SNX29: variants seen among roughly 807,000 people sequenced by gnomAD.
SNX29 encodes sorting nexin-29.
SNX29 carries 78 observed loss-of-function variants against 102.1 expected under a neutral mutation model. The ratio of observed to expected loss-of-function variants is 0.76; its 90% CI spans 0.64 to 0.92. The LOEUF (loss-of-function observed/expected upper bound fraction) is 0.92, where lower values mean the gene tolerates loss of function less well. SNX29 is among the 40% of genes least tolerant of loss of function. SNX29 has a pLI of 0.00. For missense variants in SNX29, 1,280 were observed against 1,061.7 expected, an observed-to-expected ratio of 1.21 and a Z score of -2.86; for synonymous variants, 580 against 414.5, an observed-to-expected ratio of 1.40 and a Z score of -4.85.
intron 18 of SNX29, among the ~76,000 whole-genome samples, chr16:12,475,470 T>G (rs1328989557): frequency 1.3e-5 from 2 of 152,216 alleles, no homozygotes; most frequent in African/African-American, 4.8e-5. Flanking sequence ...GCTTCTTAAC[T>G]CTGCTGTACA....
chr16:12,466,779 G>A (rs1222086001), intron 18 of SNX29, among the ~76,000 whole-genome samples: 1 of 152,214 alleles, frequency 6.6e-6, no homozygotes, highest in Non-Finnish European at 1.5e-5. Context: ...GCAGTTGGCT[G>A]CCTGGGCTCT....
intron 14 of SNX29, among the ~76,000 whole-genome samples, chr16:12,208,783 C>G (rs887746018): frequency 8.6e-5 from 13 of 150,992 alleles, no homozygotes; most frequent in African/African-American, 2.7e-4. Flanking sequence ...TGAGACTGCA[C>G]TGAGCCATGA....
Position 12,483,114 on chromosome 16 carries a change from G to GTTTTTGTTTTTTTTTTTT in SNX29, c.2178+5260_2178+5261insGTTTTTTTTTTTTTTTTT, listed in dbSNP as rs71139598. ...AATAGATACATATTGAAGTTATTAAGTTTTTTTTTTTTTTTTTTTTTTTTT... is the reference window on the plus strand; with the variant it reads ...AATAGATACATATTGAAGTTATTAAGTTTTTGTTTTTTTTTTTTTTTTTTTTTTTTTTTTTTTTTTTTT... On this transcript the variant is annotated intron_variant, in intron 19 of 20. Transcript: ENST00000566228. Among the ~76,000 whole-genome samples the GTTTTTGTTTTTTTTTTTT allele has an allele frequency of 3.0e-4, 20 of 66,212 alleles. 1 individual carries two copies. Among genetic ancestry groups the GTTTTTGTTTTTTTTTTTT allele is most frequent in the Admixed American group, 2.1e-3 (10 of 4,860 alleles). The allele number at this position is 66,212 out of a possible 152,430, so 43.4% of individuals were successfully genotyped here.
At chr16:12,314,797 A>G (rs2080678239) in intron 15 of SNX29, among the ~76,000 whole-genome samples, 2 of 152,342 alleles carry the variant, frequency 1.3e-5, no homozygotes, top group South Asian at 4.1e-4. Flanking sequence ...TTGAGCAGAA[A>G]GAAGCAGCAG....
At chr16:12,109,093 A>G (rs1029818765) in intron 11 of SNX29, among the ~76,000 whole-genome samples, 4 of 133,568 alleles carry the variant, frequency 3.0e-5, no homozygotes, top group African/African-American at 1.1e-4. Context: ...ATGCCATTGC[A>G]CTCCAGCCTG....
At chr16:12,255,827 A>G (rs2078556533) in intron 14 of SNX29, among the ~76,000 whole-genome samples, 1 of 152,224 alleles carries the variant, frequency 6.6e-6, no homozygotes, top group South Asian at 2.1e-4. Flanking sequence ...TAGTGCTGCA[A>G]TAAACATGAG....
chr16:12,481,545 C>T (rs1567608674), intron 19 of SNX29, among the ~76,000 whole-genome samples: 1 of 131,894 alleles, frequency 7.6e-6, no homozygotes, highest in Non-Finnish European at 1.7e-5. Flanking sequence ...CACACACACA[C>T]ACACACACAC....
At chr16:12,115,485 T>TTGTGTGTGTGTGTGTGTGTG (rs3222983) in intron 11 of SNX29, among the ~76,000 whole-genome samples, 3 of 141,858 alleles carry the variant, frequency 2.1e-5, no homozygotes, top group Non-Finnish European at 3.1e-5. Flanking sequence ...CCACCTTGAT[T>TTGTGTGTGTGTGTGTGTGTG]TGTGTGTGTG....
intron 18 of SNX29, among the ~76,000 whole-genome samples, chr16:12,466,465 A>C (rs1331842697): frequency 1.3e-5 from 2 of 152,228 alleles, no homozygotes; most frequent in Non-Finnish European, 2.9e-5. Flanking sequence ...TGATCATGGG[A>C]GAGAGATACA....
chr16:12,538,271 A>G (rs1433557479), intron 20 of SNX29, among the ~76,000 whole-genome samples: 3 of 151,990 alleles, frequency 2.0e-5, no homozygotes, highest in African/African-American at 4.8e-5. Flanking sequence ...ATCTGCCACC[A>G]CACCTGGCTA....
intron 10 of SNX29, among the ~76,000 whole-genome samples, chr16:12,072,178 G>T (rs1384390371): frequency 1.3e-5 from 2 of 151,846 alleles, no homozygotes; most frequent in Non-Finnish European, 2.9e-5. Context: ...CTGCCTAATT[G>T]CCCTGGCCAA....
At chr16:12,286,284 A>G (rs2079593703) in intron 15 of SNX29, among the ~76,000 whole-genome samples, 1 of 152,020 alleles carries the variant, frequency 6.6e-6, no homozygotes, top group African/African-American at 2.4e-5. Context: ...TATAGTTTCT[A>G]GCAGGATAGG....
intron 18 of SNX29, among the ~76,000 whole-genome samples, chr16:12,444,980 T>C (rs2085984041): frequency 6.6e-6 from 1 of 151,948 alleles, no homozygotes; most frequent in Non-Finnish European, 1.5e-5. Context: ...GCCTCCCAAG[T>C]AGCTGGACTA....
intron 20 of SNX29, among the ~76,000 whole-genome samples, chr16:12,544,304 G>A (rs2077484317): frequency 6.6e-6 from 1 of 152,198 alleles, no homozygotes; most frequent in African/African-American, 2.4e-5. Flanking sequence ...AGGCCACAGG[G>A]GAAGGTGGAC....
chr16:12,263,620 A>G (rs1408388211), intron 14 of SNX29, among the ~76,000 whole-genome samples: 1 of 152,226 alleles, frequency 6.6e-6, no homozygotes, highest in Non-Finnish European at 1.5e-5. Context: ...CCTGCAGTGA[A>G]CATATGTTAC....
intron 11 of SNX29, among the ~76,000 whole-genome samples, chr16:12,100,906 C>G (rs973396087): frequency 6.6e-6 from 1 of 151,922 alleles, no homozygotes; most frequent in African/African-American, 2.4e-5. Context: ...TGCTGGCCAC[C>G]TGGGGGAGGG....
chr16:12,324,179 G>T (rs929493531), intron 15 of SNX29, among the ~76,000 whole-genome samples: 1 of 151,696 alleles, frequency 6.6e-6, no homozygotes, highest in Non-Finnish European at 1.5e-5. Flanking sequence ...TGGGCTTTTG[G>T]GGGGGTCCCA....
At chr16:12,467,646 TCATTCATTC>T (rs1453818568) in intron 18 of SNX29, among the ~76,000 whole-genome samples, 2 of 136,298 alleles carry the variant, frequency 1.5e-5, no homozygotes, top group Non-Finnish European at 3.0e-5. Context: ...GTTCATTCAT[TCATTCATTC>T]CATTCACTCA....
At chr16:12,074,320 T>TCCATGTTTAGTGCCTCC (rs1175180326) in intron 10 of SNX29, among the ~76,000 whole-genome samples, 4 of 152,208 alleles carry the variant, frequency 2.6e-5, no homozygotes, top group African/African-American at 9.6e-5. Flanking sequence ...GTTGTGCCTT[T>TCCATGTTTAGTGCCTCC]CCATGTTTAG....
Sources: gnomAD v4.1 joint callset for allele counts (sites outside exome capture counted in the v4.1 genomes callset) on GRCh38, gnomAD v4.1.1 for gene constraint, MANE v1.5 for transcripts, NCBI Gene and HGNC (gene_info 2026-07-23, HGNC 2026-07-21) for gene names.